Variants in PCDHA2 observed in about 807,000 individuals in gnomAD.
PCDHA2 encodes the protein protocadherin alpha-2.
Under a neutral mutation model 66.0 loss-of-function variants are expected in PCDHA2, and 58 were observed. The observed-to-expected ratio is 0.88, with a 90% confidence interval of 0.71 to 1.09. PCDHA2 has a LOEUF of 1.09. Among genes scored for constraint, PCDHA2 ranks in the 50% least tolerant of loss-of-function variants. The probability of loss-of-function intolerance (pLI) is 0.00; values close to 1 mark genes in which losing one functional copy is unlikely to be tolerated. For synonymous variants in PCDHA2, 634 were observed against 554.0 expected, an observed-to-expected ratio of 1.14 and a Z score of -2.03; for missense variants, 1,267 against 1,242.3, an observed-to-expected ratio of 1.02 and a Z score of -0.30.
At chr5:140,858,617 AC>A (rs2045522200) in intron 1 of PCDHA2, 1 of 1,181,008 alleles carries the variant, frequency 8.5e-7, no homozygotes. Context: ...TTTTTATCCT[AC>A]CCAGTGTGTC....
chr5:140,879,012 T>C (rs2057811303), intron 1 of PCDHA2, among the ~76,000 whole-genome samples: 1 of 152,236 alleles, frequency 6.6e-6, no homozygotes, highest in African/African-American at 2.4e-5. Flanking sequence ...AGAAATCAGA[T>C]AATGTTTTAT....
intron 1 of PCDHA2, chr5:140,876,180 T>G (rs782772220): frequency 1.2e-6 from 2 of 1,613,982 alleles, no homozygotes; most frequent in East Asian, 4.5e-5. Flanking sequence ...TGGATGTGAA[T>G]GACAATGGTC....
At chr5:140,841,890 A>G in intron 1 of PCDHA2, 1 of 1,613,830 alleles carries the variant, frequency 6.2e-7, no homozygotes, top group Non-Finnish European at 8.5e-7. Flanking sequence ...GATGAGAATA[A>G]ACTGGTTGAG....
chr5:140,928,007 ATGG>A (rs1183344805), intron 1 of PCDHA2: 2 of 1,613,998 alleles, frequency 1.2e-6, no homozygotes, highest in Non-Finnish European at 1.7e-6. Context: ...CTCGATTCTA[ATGG>A]TAGGGTCATT....
At chr5:140,840,708 CA>C (rs1191329041) in intron 1 of PCDHA2, among the ~76,000 whole-genome samples, 5 of 151,964 alleles carry the variant, frequency 3.3e-5, no homozygotes, top group African/African-American at 1.2e-4. Context: ...GGCAATTTGA[CA>C]TTTATTGAAT....
At chr5:140,923,577 G>C (rs1456273088) in intron 1 of PCDHA2, among the ~76,000 whole-genome samples, 3 of 152,196 alleles carry the variant, frequency 2.0e-5, no homozygotes, top group Non-Finnish European at 4.4e-5. Context: ...CTGCTAAAGA[G>C]AAGGTTTGTT....
chr5:140,918,153 C>A (rs1554198452), intron 1 of PCDHA2, among the ~76,000 whole-genome samples: 2 of 152,036 alleles, frequency 1.3e-5, no homozygotes, highest in African/African-American at 2.4e-5. Flanking sequence ...TTGTGTATGT[C>A]TATTGTAAAT....
chr5:140,851,473 G>A, intron 1 of PCDHA2: 4 of 889,518 alleles, frequency 4.5e-6, no homozygotes, highest in African/African-American at 1.8e-5. Context: ...GTCAATAAAT[G>A]TTATAAACAC....
In PCDHA2 at chr5:140,857,359, G is replaced by C. The variant is rs200721411; in HGVS notation, c.2388+60007G>C. 31 of 1,598,398 alleles carry C rather than the reference G, an allele frequency of 1.9e-5. 2 individuals carry two copies. In the African/African-American group the frequency reaches 2.4e-4, roughly 12 times the overall value. The stretch of plus-strand genomic sequence containing the variant: ...GGGGCTCGCCTCCGCTGTGGGCCAC[G>C]GCCAGCGTGTCTGTGGAGGTGGCCG... On this transcript the variant is annotated intron_variant, in intron 1 of 3. Transcript: ENST00000526136.
In PCDHA2 at chr5:140,884,626, A is replaced by G. The variant is rs782131642; in HGVS notation, c.2388+87274A>G. 9 of 1,613,602 alleles carry G rather than the reference A, an allele frequency of 5.6e-6. No individual in the cohort carries two copies. In the Admixed American group the frequency reaches 1.5e-4, roughly 27 times the overall value. ...CTTGTCTGGGTTCTGCAGAGGGAAC[A>G]GGCCAGAGGGAGGAGGACTCAGAAT... On this transcript the variant is annotated intron_variant, in intron 1 of 3. Transcript: ENST00000526136.
At chr5:140,883,573 G>C in intron 1 of PCDHA2, 7 of 1,614,076 alleles carry the variant, frequency 4.3e-6, no homozygotes, top group Non-Finnish European at 5.9e-6. Flanking sequence ...CGCCTTCGCT[G>C]TGGGCCACGG....
rs149739125 is a variant in PCDHA2, at chr5:140,954,248, C to T, written c.2389-24701C>T. 1.2e-3 allele frequency among the ~76,000 whole-genome samples: 179 copies of T among 152,316 alleles called. 1 individual carries two copies. The highest frequency in any genetic ancestry group is 4.0e-3 in the African/African-American group (166 of 41,572). ...TGAATAGTGCTGCAATGAACATACACATGCAGGTATCTTTATAATAGGATG... is the reference window on the plus strand; with the variant it reads ...TGAATAGTGCTGCAATGAACATACATATGCAGGTATCTTTATAATAGGATG... On this transcript the variant is annotated intron_variant, in intron 1 of 3. Coordinates refer to ENST00000526136, the MANE Select transcript of PCDHA2 (RefSeq NM_018905.3).
intron 1 of PCDHA2, chr5:140,809,289 T>A (rs1764417465): frequency 6.2e-7 from 1 of 1,614,110 alleles, no homozygotes; most frequent in Admixed American, 1.7e-5. Flanking sequence ...GTATACCTGA[T>A]CATTGCCATC....
intron 1 of PCDHA2, chr5:140,881,180 T>C: frequency 6.0e-6 from 1 of 167,460 alleles, no homozygotes; most frequent in Non-Finnish European, 1.2e-5. Context: ...TTTTCCTTGC[T>C]AAAGATATGT....
chr5:140,979,408 G>GTT (rs558051720), intron 2 of PCDHA2, among the ~76,000 whole-genome samples: 2 of 147,646 alleles, frequency 1.4e-5, no homozygotes, highest in African/African-American at 2.5e-5. Context: ...TGTCTACCTT[G>GTT]TTTTTTTTTT....
chr5:140,843,542 T>C lies in PCDHA2; in HGVS notation c.2388+46190T>C, dbSNP rs2150362325. ...CCGGGCGGGCAAGCCCACTCTGGTG[T>C]GCTCCAGTGCGGTGGGGAGCTGGTC... On this transcript the variant is annotated intron_variant, in intron 1 of 3. Coordinates refer to ENST00000526136, the MANE Select transcript of PCDHA2 (RefSeq NM_018905.3). 10 of 1,595,778 alleles carry C rather than the reference T, an allele frequency of 6.3e-6. 1 individual carries two copies. Among genetic ancestry groups the C allele is most frequent in the Non-Finnish European group, 8.6e-6 (10 of 1,165,434 alleles).
chr5:140,796,434 G>A lies in PCDHA2; in HGVS notation c.1470G>A (p.Val490=), dbSNP rs1554119895. ...CGGACGCGCAGGAGAACGCGCTGGT[G>A]TCCTACTCGCTGGTGGAGCGGCGGG... ...WDADAQENAL[V]SYSLVERRVG... The change falls in exon 1 of 4, where the codon GTG becomes GTA. Residue 490 remains valine, a synonymous_variant. Transcript: ENST00000526136. 2 of 1,613,634 alleles carry A rather than the reference G, an allele frequency of 1.2e-6. No individual in the cohort carries two copies. The highest frequency in any genetic ancestry group is 1.7e-6 in the Non-Finnish European group (2 of 1,179,956).
chr5:140,852,721 T>G (rs2042450982), intron 1 of PCDHA2: 1 of 982,810 alleles, frequency 1.0e-6, no homozygotes, highest in South Asian at 4.8e-5. Flanking sequence ...TTTGCACGTT[T>G]TTCAAGTTTC....
At position 140,796,744 on chromosome 5, in the gene PCDHA2, G is replaced by C; in HGVS notation, c.1780G>C (p.Val594Leu). Residue 594 changes from valine (V) to leucine (L), a missense_variant, in exon 1 of 4, where the codon GTG (valine) becomes CTG (leucine). Val to Leu is a conservative substitution (Grantham distance 32, BLOSUM62 1). Coordinates refer to ENST00000526136, the MANE Select transcript of PCDHA2 (RefSeq NM_018905.3). Reference protein sequence around the residue: ...SVGAGHVVAKVRAVDADSGYN... With the variant: ...SVGAGHVVAKLRAVDADSGYN... ...GGGTGCAGGGCACGTGGTGGCGAAGGTGCGCGCAGTGGACGCTGACTCAGG... is the reference window on the plus strand; with the variant it reads ...GGGTGCAGGGCACGTGGTGGCGAAGCTGCGCGCAGTGGACGCTGACTCAGG... 6.2e-7 allele frequency: 1 copy of C among 1,614,148 alleles called. No individual in the cohort carries two copies. Among genetic ancestry groups the C allele is most frequent in the Non-Finnish European group, 8.5e-7 (1 of 1,179,972 alleles).
Sources: gnomAD v4.1 joint callset for allele counts (sites outside exome capture counted in the v4.1 genomes callset) on GRCh38, gnomAD v4.1.1 for gene constraint, MANE v1.5 for transcripts, NCBI Gene and HGNC (gene_info 2026-07-23, HGNC 2026-07-21) for gene names.